SPAG16: variants seen among roughly 807,000 people sequenced by gnomAD.
The protein encoded by SPAG16 is sperm-associated antigen 16 protein.
In SPAG16, 86 loss-of-function variants were observed where a neutral mutation model predicts 80.4. The ratio of observed to expected loss-of-function variants is 1.07; its 90% CI spans 0.90 to 1.28. The LOEUF is 1.28. Among genes scored for constraint, SPAG16 ranks in the 50% most tolerant of loss-of-function variants. The pLI is 0.00. For synonymous variants in SPAG16, 294 were observed against 265.9 expected, an observed-to-expected ratio of 1.11 and a Z score of -1.03; for missense variants, 870 against 765.3, an observed-to-expected ratio of 1.14 and a Z score of -1.61.
chr2:214,343,651 C>T (rs1404039475), intron 15 of SPAG16, among the ~76,000 whole-genome samples: 1 of 152,068 alleles, frequency 6.6e-6, no homozygotes, highest in East Asian at 1.9e-4. Flanking sequence ...CTAAGACAAA[C>T]TTAGACACAA....
rs949009185 is a variant in SPAG16, at chr2:213,596,174, C to T, written c.1070+106084C>T. ...AATAAGCAATAGGCCAGGCACATTTCTCTATGGGGAATAATAAATGAATTG... is the reference window on the plus strand; with the variant it reads ...AATAAGCAATAGGCCAGGCACATTTTTCTATGGGGAATAATAAATGAATTG... On this transcript the variant is annotated intron_variant, in intron 10 of 15. Transcript: ENST00000331683. 7.2e-5 allele frequency among the ~76,000 whole-genome samples: 11 copies of T among 152,150 alleles called. 1 individual carries two copies. Among genetic ancestry groups the T allele is most frequent in the African/African-American group, 2.6e-4 (11 of 41,556 alleles).
chr2:213,935,478 A>G (rs2078948144), intron 12 of SPAG16, among the ~76,000 whole-genome samples: 3 of 152,028 alleles, frequency 2.0e-5, no homozygotes, highest in Non-Finnish European at 4.4e-5. Flanking sequence ...CTTTCTTCCC[A>G]TCTTTATTGT....
chr2:213,787,602 A>T (rs996167426), intron 10 of SPAG16, among the ~76,000 whole-genome samples: 1 of 152,136 alleles, frequency 6.6e-6, no homozygotes, highest in Non-Finnish European at 1.5e-5. Context: ...ATTGTGGGTT[A>T]TAAGTATCAA....
At chr2:213,811,453 A>T (rs752504007) in intron 10 of SPAG16, among the ~76,000 whole-genome samples, 11 of 152,164 alleles carry the variant, frequency 7.2e-5, no homozygotes, top group Non-Finnish European at 1.5e-5. Flanking sequence ...TTTGCACCTA[A>T]TATGGAAGAC....
chr2:213,949,179 T>TGTTTTG lies in SPAG16; in HGVS notation c.1400+19034_1400+19035insGTTTTG, dbSNP rs1553677649. On this transcript the variant is annotated intron_variant, in intron 12 of 15. Coordinates refer to ENST00000331683, the MANE Select transcript of SPAG16 (RefSeq NM_024532.5). ...TACTTAATTACAACAGTTTTTTTTT[T>TGTTTTG]TTTTTTTTTTTTTTGAGGTAGAGTC... Among the ~76,000 whole-genome samples, 18 of 36,268 alleles carry TGTTTTG rather than the reference T, an allele frequency of 5.0e-4. 1 individual carries two copies. The South Asian group carries it at 0.035, about 71-fold the overall frequency. 23.8% of individuals were successfully genotyped at this position (36,268 alleles called of 152,430 possible). A position where few individuals can be genotyped will look rare whatever the true frequency, so the allele number is the denominator to read the frequency against.
At chr2:214,154,190 C>T (rs2056109348) in intron 15 of SPAG16, among the ~76,000 whole-genome samples, 1 of 152,044 alleles carries the variant, frequency 6.6e-6, no homozygotes, top group Admixed American at 6.6e-5. Flanking sequence ...AAAAATGAAC[C>T]ATGAGAATTT....
chr2:214,038,351 C>T (rs1448258529), intron 13 of SPAG16, among the ~76,000 whole-genome samples: 1 of 152,046 alleles, frequency 6.6e-6, no homozygotes, highest in African/African-American at 2.4e-5. Flanking sequence ...CCTATTTTCT[C>T]TCTTCTGTCA....
At chr2:213,496,085 G>A (rs901446434) in intron 10 of SPAG16, among the ~76,000 whole-genome samples, 1 of 152,158 alleles carries the variant, frequency 6.6e-6, no homozygotes, top group African/African-American at 2.4e-5. Flanking sequence ...TGTAACTGCT[G>A]TGAGGAAATT....
intron 9 of SPAG16, among the ~76,000 whole-genome samples, chr2:213,442,767 A>G (rs1006029089): frequency 1.3e-5 from 2 of 152,214 alleles, no homozygotes; most frequent in African/African-American, 4.8e-5. Context: ...AATGAGCTCA[A>G]AATGGATCAC....
chr2:213,760,534 GA>G (rs2068598866), intron 10 of SPAG16, among the ~76,000 whole-genome samples: 1 of 148,942 alleles, frequency 6.7e-6, no homozygotes, highest in Non-Finnish European at 1.5e-5. Context: ...AGATAAATAA[GA>G]AAATGCAATA....
chr2:213,550,313 T>C (rs1454479614), intron 10 of SPAG16, among the ~76,000 whole-genome samples: 1 of 151,978 alleles, frequency 6.6e-6, no homozygotes, highest in Admixed American at 6.6e-5. Flanking sequence ...AAAGTCCTAG[T>C]CTTCTTTCTA....
At chr2:214,368,053 G>C (rs927875553) in intron 15 of SPAG16, among the ~76,000 whole-genome samples, 1 of 152,108 alleles carries the variant, frequency 6.6e-6, no homozygotes, top group African/African-American at 2.4e-5. Context: ...TCTCAATATT[G>C]AGTTTTTCCT....
chr2:213,719,611 C>G (rs2066422147), intron 10 of SPAG16, among the ~76,000 whole-genome samples: 1 of 152,278 alleles, frequency 6.6e-6, no homozygotes, highest in Non-Finnish European at 1.5e-5. Flanking sequence ...GCAACCAGCT[C>G]CGGTCACCCA....
At position 214,257,243 on chromosome 2, in the gene SPAG16, G is replaced by A. The variant is rs552740542; in HGVS notation, c.1720+107977G>A. 2.5e-4 allele frequency among the ~76,000 whole-genome samples: 38 copies of A among 151,978 alleles called. No individual in the cohort carries two copies. The South Asian group carries it at 4.4e-3, about 17-fold the overall frequency. On this transcript the variant is annotated intron_variant, in intron 15 of 15. Transcript: ENST00000331683. ...TTTTTATATACTTAGCTCATACCCT[G>A]TGACTTTGGTCGTTTCACTTATTAA...
At chr2:214,272,152 A>G (rs936926381) in intron 15 of SPAG16, among the ~76,000 whole-genome samples, 2 of 152,042 alleles carry the variant, frequency 1.3e-5, no homozygotes, top group African/African-American at 4.8e-5. Context: ...TATAATTTAT[A>G]TTTACCAATT....
intron 12 of SPAG16, among the ~76,000 whole-genome samples, chr2:213,938,632 T>C (rs1427832163): frequency 6.6e-6 from 1 of 151,970 alleles, no homozygotes; most frequent in Non-Finnish European, 1.5e-5. Flanking sequence ...AACATTGTTT[T>C]TGGAATTATT....
At chr2:214,276,587 G>A (rs4427963) in intron 15 of SPAG16, among the ~76,000 whole-genome samples, 1 of 152,124 alleles carries the variant, frequency 6.6e-6, no homozygotes, top group Non-Finnish European at 1.5e-5. Flanking sequence ...ATTCTGGGTT[G>A]AAAATTCTTT....
chr2:214,102,807 G>C (rs1386700389), intron 13 of SPAG16, among the ~76,000 whole-genome samples: 1 of 152,054 alleles, frequency 6.6e-6, no homozygotes, highest in Non-Finnish European at 1.5e-5. Flanking sequence ...TTCCAGAACA[G>C]GAAGAGGAGT....
intron 9 of SPAG16, among the ~76,000 whole-genome samples, chr2:213,407,264 G>A (rs1373909834): frequency 2.0e-5 from 3 of 152,102 alleles, no homozygotes; most frequent in Non-Finnish European, 4.4e-5. Context: ...CTTCAGAGGG[G>A]GAAAGGGAGA....
Sources: allele counts gnomAD v4.1 joint callset (sites outside exome capture counted in the v4.1 genomes callset), GRCh38; gene constraint gnomAD v4.1.1; transcripts MANE v1.5; gene names NCBI Gene and HGNC (gene_info 2026-07-23, HGNC 2026-07-21).